The following LSM12 variants were observed in gnomAD, a reference collection of about 807,000 sequenced individuals.
LSM12 encodes protein LSM12.
For missense variants in LSM12, 108 were observed against 238.9 expected, an observed-to-expected ratio of 0.45 and a Z score of 3.61; for synonymous variants, 74 against 87.3, an observed-to-expected ratio of 0.85 and a Z score of 0.85.
rs1472086961 is a variant in LSM12, at chr17:44,063,926, A to G, written c.133T>C (p.Ser45Pro). ...GCATGGTTGGGCTTTCCACTGGAAG[A>G]GGGACATTCTGGTGAGAAAAAAAAA... is the stretch of plus-strand genomic sequence containing the variant. ...QSKMLALKCP[S>P]SSGKPNHADI... Residue 45 changes from serine to proline, a missense_variant, in exon 2 of 5, where the codon TCT becomes CCT. Transcript: ENST00000293406. 19 of 1,613,180 alleles carry G rather than the reference A, an allele frequency of 1.2e-5. No homozygotes were observed. The highest frequency in any genetic ancestry group is 1.4e-5 in the Non-Finnish European group (17 of 1,179,668).
intron 2 of LSM12, among the ~76,000 whole-genome samples, chr17:44,049,548 G>C (rs2049615371): frequency 6.6e-6 from 1 of 152,128 alleles, no homozygotes; most frequent in Non-Finnish European, 1.5e-5. Flanking sequence ...AAAGTGCTGG[G>C]ATTAAATGCA....
intron 2 of LSM12, among the ~76,000 whole-genome samples, chr17:44,041,576 GAA>G (rs2049495258): frequency 3.3e-5 from 5 of 152,268 alleles, no homozygotes; most frequent in Admixed American, 3.3e-4. Flanking sequence ...CTGCTTTTGA[GAA>G]AAACGAAGAG....
intron 1 of LSM12, among the ~76,000 whole-genome samples, 178 bp downstream of exon 1, chr17:44,066,286 C>G (rs2049874818): frequency 6.6e-6 from 1 of 152,190 alleles, no homozygotes; most frequent in Non-Finnish European, 1.5e-5. Flanking sequence ...CCAAAGCTGA[C>G]CGAAGGGCCC....
chr17:44,053,293 G>A (rs72822648), intron 2 of LSM12, among the ~76,000 whole-genome samples: 2,461 of 152,268 alleles, frequency 0.016, 17 homozygotes, highest in Middle Eastern at 0.027. Flanking sequence ...GGGCTGCTGT[G>A]CTACAAGAGC....
intron 2 of LSM12, among the ~76,000 whole-genome samples, chr17:44,044,611 A>G (rs900240999): frequency 3.9e-5 from 6 of 152,242 alleles, no homozygotes; most frequent in Non-Finnish European, 1.5e-5. Flanking sequence ...AGGAAGCTGT[A>G]CAAATGGGAT....
At chr17:44,061,343 G>C (rs765580639) in intron 2 of LSM12, among the ~76,000 whole-genome samples, 1 of 149,104 alleles carries the variant, frequency 6.7e-6, no homozygotes, top group Non-Finnish European at 1.5e-5. Context: ...AAACACCAAG[G>C]AATAAATTAT....
chr17:44,056,630 T>G (rs1167283784), intron 2 of LSM12, among the ~76,000 whole-genome samples: 2 of 150,872 alleles, frequency 1.3e-5, no homozygotes, highest in African/African-American at 2.4e-5. Context: ...GAGGCAGAGG[T>G]TGCAGTGAGC....
At chr17:44,039,861 G>C (rs2049465553) in intron 3 of LSM12, among the ~76,000 whole-genome samples, 1 of 152,186 alleles carries the variant, frequency 6.6e-6, no homozygotes, top group African/African-American at 2.4e-5. Context: ...TCTAAGTTAT[G>C]GACTACTAGG....
chr17:44,063,834 G>C lies in LSM12; in HGVS notation c.225C>G (p.Thr75=), dbSNP rs767143749. 3.1e-6 allele frequency: 5 copies of C among 1,613,874 alleles called. No individual in the cohort carries two copies. Among genetic ancestry groups the C allele is most frequent in the South Asian group, 2.2e-5 (2 of 91,068 alleles). ...EVEIINDRTE[T]PPPLASLNVS... is the part of the protein sequence containing the mutation. ...CATTGAGTGAAGCTAGGGGAGGAGG[G>C]GTTTCTGTTCGGTCATTAATTATTT... Residue 75 remains threonine (T), a synonymous_variant, in exon 2 of 5, where the codon ACC becomes ACG. Coordinates refer to ENST00000293406, the MANE Select transcript of LSM12 (RefSeq NM_001371445.1).
At chr17:44,060,016 T>C (rs377131380) in intron 2 of LSM12, among the ~76,000 whole-genome samples, 41 of 152,066 alleles carry the variant, frequency 2.7e-4, no homozygotes, top group African/African-American at 9.4e-4. Flanking sequence ...TACAAAAAAA[T>C]TAGCCGGACA....
chr17:44,041,290 A>AATAC (rs2049487259), intron 2 of LSM12, among the ~76,000 whole-genome samples: 1 of 110,400 alleles, frequency 9.1e-6, no homozygotes, highest in Non-Finnish European at 1.9e-5. Flanking sequence ...AAAAAAAACA[A>AATAC]ACACACACAC....
At chr17:44,047,905 T>C (rs2049590580) in intron 2 of LSM12, among the ~76,000 whole-genome samples, 1 of 151,766 alleles carries the variant, frequency 6.6e-6, no homozygotes, top group Admixed American at 6.6e-5. Context: ...AGTTCTTGGC[T>C]GGGCGTGGTC....
At chr17:44,058,151 G>C (rs1203098076) in intron 2 of LSM12, among the ~76,000 whole-genome samples, 1 of 151,378 alleles carries the variant, frequency 6.6e-6, no homozygotes. Context: ...GCAGGAGAAT[G>C]GCGTGAACCC....
chr17:44,066,307 G>A (rs1026739497), intron 1 of LSM12, among the ~76,000 whole-genome samples, 157 bp downstream of exon 1: 2 of 152,192 alleles, frequency 1.3e-5, no homozygotes, highest in East Asian at 1.9e-4. Flanking sequence ...GCGGGAGGGG[G>A]AGGGGAGCTC....
chr17:44,037,442 C>T lies in LSM12; in HGVS notation c.465G>A (p.Glu155=). ...PYQVENCKGK[E]GSALSHVRKI... is the part of the protein sequence containing the mutation. ...TGCGTACATGGCTCAGTGCACTCCC[C>T]TCTTTGCCTTTACAGTTTTCCACTT... Residue 155 remains glutamate (E), a synonymous_variant, in exon 4 of 5, where the codon GAG becomes GAA. Coordinates refer to ENST00000293406, the MANE Select transcript of LSM12 (RefSeq NM_001371445.1). The T allele has an allele frequency of 6.2e-7, 1 of 1,609,562 alleles. No homozygotes were observed. The highest frequency in any genetic ancestry group is 8.5e-7 in the Non-Finnish European group (1 of 1,178,268).
intron 2 of LSM12, among the ~76,000 whole-genome samples, chr17:44,052,854 A>C (rs2049665264): frequency 6.6e-6 from 1 of 151,408 alleles, no homozygotes; most frequent in Admixed American, 6.6e-5. Flanking sequence ...AAATAAATAA[A>C]TCACCACTCT....
At position 44,066,604 on chromosome 17, in the gene LSM12, CGGCCGGCGGCGGCGG is replaced by C. The variant is rs750525489; in HGVS notation, c.-32_-18del. The stretch of plus-strand genomic sequence containing the variant: ...AGCCGCCATCTTGGGAGTGCAGCCG[CGGCCGGCGGCGGCGG>C]CGGCAGCAGCGGGCGAAAGCCGGGC... On this transcript the variant is annotated 5_prime_UTR_variant, in exon 1 of 5. Coordinates refer to ENST00000293406, the MANE Select transcript of LSM12 (RefSeq NM_001371445.1). 1 of 1,344,128 alleles carries C rather than the reference CGGCCGGCGGCGGCGG, an allele frequency of 7.4e-7. No individual in the cohort carries two copies. Among genetic ancestry groups the C allele is most frequent in the South Asian group, 2.0e-5 (1 of 50,794 alleles). The allele number at this position is 1,344,128 out of a possible 1,614,324, so 83.3% of individuals were successfully genotyped here.
At chr17:44,048,680 A>G (rs570816954) in intron 2 of LSM12, among the ~76,000 whole-genome samples, 1 of 152,254 alleles carries the variant, frequency 6.6e-6, no homozygotes, top group Admixed American at 6.5e-5. Flanking sequence ...ATAAACTTAC[A>G]AATATTTGTT....
At chr17:44,044,584 A>G (rs1359177088) in intron 2 of LSM12, among the ~76,000 whole-genome samples, 1 of 152,222 alleles carries the variant, frequency 6.6e-6, no homozygotes, top group Non-Finnish European at 1.5e-5. Context: ...ACTCAGCTAC[A>G]CAGATCTGCT....
Sources: gnomAD v4.1 joint callset for allele counts (sites outside exome capture counted in the v4.1 genomes callset) on GRCh38, gnomAD v4.1.1 for gene constraint, MANE v1.5 for transcripts, NCBI Gene and HGNC (gene_info 2026-07-23, HGNC 2026-07-21) for gene names.